DCC: variants seen among roughly 807,000 people sequenced by gnomAD.
The protein encoded by DCC is DCC netrin 1 receptor, also known as netrin receptor DCC.
DCC carries 58 observed loss-of-function variants against 172.5 expected under a neutral mutation model. The observed-to-expected ratio is 0.34, with a 90% CI of 0.27 to 0.42. DCC has a LOEUF of 0.42. DCC is among the 10% of genes least tolerant of loss of function. DCC has a pLI of 1.00. For missense variants in DCC, 1,740 were observed against 1,791.0 expected (o/e 0.97, Z 0.51); for synonymous variants, 709 against 644.5 (o/e 1.10, Z -1.52).
At chr18:53,336,796 A>G (rs917821548) in intron 14 of DCC, among the ~76,000 whole-genome samples, 1 of 152,202 alleles carries the variant, frequency 6.6e-6, no homozygotes, top group Non-Finnish European at 1.5e-5. Context: ...GGTTGGCTTG[A>G]GTCAGAGGGT....
intron 1 of DCC, among the ~76,000 whole-genome samples, chr18:52,387,002 C>T (rs1419135735): frequency 1.3e-5 from 2 of 151,998 alleles, no homozygotes; most frequent in African/African-American, 4.8e-5. Flanking sequence ...CAAAATGAAG[C>T]AGAAAGGGCA....
At chr18:52,736,712 CT>C (rs1186542814) in intron 1 of DCC, among the ~76,000 whole-genome samples, 4 of 152,052 alleles carry the variant, frequency 2.6e-5, no homozygotes, top group South Asian at 4.1e-4. Flanking sequence ...CAAACAGTGA[CT>C]TTTTTTATGT....
At chr18:52,761,164 A>G (rs1273277358) in intron 2 of DCC, among the ~76,000 whole-genome samples, 1 of 152,196 alleles carries the variant, frequency 6.6e-6, no homozygotes, top group Non-Finnish European at 1.5e-5. Flanking sequence ...GGAGCAAGTC[A>G]CATCTTACAT....
intron 1 of DCC, among the ~76,000 whole-genome samples, chr18:52,416,868 T>G (rs1311095755): frequency 6.6e-6 from 1 of 151,960 alleles, no homozygotes; most frequent in Non-Finnish European, 1.5e-5. Flanking sequence ...TTTAGTCCAT[T>G]TACATTTAAA....
chr18:52,656,343 T>G (rs2035254809), intron 1 of DCC, among the ~76,000 whole-genome samples: 1 of 151,920 alleles, frequency 6.6e-6, no homozygotes, highest in Non-Finnish European at 1.5e-5. Context: ...GACATCACAA[T>G]GAATACATGA....
In DCC at chr18:53,468,383, T is replaced by TATTTATTTATTTATTTA. The variant is rs2045652916; in HGVS notation, c.3736+389_3736+390insAATTTATTTATTTATTT. ...ATTTATTTTATTTATTTATTTATTT[T>TATTTATTTATTTATTTA]ATTTATTTATTTATTTTGAGACAGA... On this transcript the variant is annotated intron_variant, in intron 25 of 28. Coordinates refer to ENST00000442544, the MANE Select transcript of DCC (RefSeq NM_005215.4). 9.4e-5 allele frequency among the ~76,000 whole-genome samples: 14 copies of TATTTATTTATTTATTTA among 148,178 alleles called. No homozygotes were observed. The South Asian group carries it at 2.6e-3, about 27-fold the overall frequency.
At chr18:52,353,289 G>A (rs1202395162) in intron 1 of DCC, among the ~76,000 whole-genome samples, 1 of 151,814 alleles carries the variant, frequency 6.6e-6, no homozygotes, top group Non-Finnish European at 1.5e-5. Flanking sequence ...ACTCATATAA[G>A]AACGCATATT....
At chr18:52,802,830 C>A (rs180777600) in intron 2 of DCC, among the ~76,000 whole-genome samples, 71 of 151,366 alleles carry the variant, frequency 4.7e-4, no homozygotes, top group African/African-American at 1.5e-3. Context: ...CTACTGATAG[C>A]CTATTGTTGA....
chr18:52,626,611 T>A (rs1369232209), intron 1 of DCC, among the ~76,000 whole-genome samples: 1 of 152,200 alleles, frequency 6.6e-6, no homozygotes, highest in Admixed American at 6.5e-5. Context: ...CCCTATAGGA[T>A]CTGGCACTCA....
At chr18:53,335,829 C>T (rs779063287) in intron 14 of DCC, among the ~76,000 whole-genome samples, 6 of 152,064 alleles carry the variant, frequency 3.9e-5, no homozygotes, top group Non-Finnish European at 5.9e-5. Flanking sequence ...CTCACAATCA[C>T]GGCAGAAGGT....
chr18:52,411,838 T>C (rs1246521094), intron 1 of DCC, among the ~76,000 whole-genome samples: 2 of 152,158 alleles, frequency 1.3e-5, no homozygotes, highest in Non-Finnish European at 2.9e-5. Flanking sequence ...GCTTAAAATA[T>C]TGGGCTTACC....
chr18:53,091,803 C>A (rs1161955588), intron 7 of DCC, among the ~76,000 whole-genome samples: 4 of 149,746 alleles, frequency 2.7e-5, no homozygotes, highest in African/African-American at 9.8e-5. Context: ...ATTGCATACA[C>A]TGTACATATA....
At chr18:52,866,747 T>C (rs986490861) in intron 2 of DCC, among the ~76,000 whole-genome samples, 47 of 152,252 alleles carry the variant, frequency 3.1e-4, no homozygotes, top group African/African-American at 1.1e-3. Context: ...CCGGAGACTT[T>C]GCTGAAGTTG....
At chr18:52,939,897 T>C (rs2040434496) in intron 5 of DCC, among the ~76,000 whole-genome samples, 1 of 152,162 alleles carries the variant, frequency 6.6e-6, no homozygotes, top group African/African-American at 2.4e-5. Context: ...GATTCTTCTG[T>C]CAAACAAAAA....
chr18:52,934,645 A>G (rs561675885), intron 5 of DCC: 4 of 152,284 alleles, frequency 2.6e-5, no homozygotes, highest in South Asian at 2.1e-4. Flanking sequence ...TTCGAAATTC[A>G]TATGTTGAAA....
At chr18:52,903,880 ACTT>A (rs1453360260) in intron 2 of DCC, among the ~76,000 whole-genome samples, 1 of 152,178 alleles carries the variant, frequency 6.6e-6, no homozygotes, top group Non-Finnish European at 1.5e-5. Context: ...AGATTAACGT[ACTT>A]CTTTGGAATA....
At chr18:52,475,334 A>C (rs932605098) in intron 1 of DCC, among the ~76,000 whole-genome samples, 1 of 152,214 alleles carries the variant, frequency 6.6e-6, no homozygotes, top group Non-Finnish European at 1.5e-5. Context: ...ATGAACATGG[A>C]GCTCCAATAG....
At chr18:53,277,013 G>C (rs571545343) in intron 12 of DCC, among the ~76,000 whole-genome samples, 7 of 152,080 alleles carry the variant, frequency 4.6e-5, no homozygotes, top group Non-Finnish European at 7.4e-5. Context: ...AGAGAAAGAA[G>C]AGGCAATGAA....
At chr18:52,958,896 C>T (rs769103078) in intron 5 of DCC, among the ~76,000 whole-genome samples, 5 of 152,086 alleles carry the variant, frequency 3.3e-5, no homozygotes, top group South Asian at 2.1e-4. Flanking sequence ...ACCCACAGCC[C>T]GCGGGCCATA....
Sources: gnomAD v4.1 joint callset for allele counts (sites outside exome capture counted in the v4.1 genomes callset) on GRCh38, gnomAD v4.1.1 for gene constraint, MANE v1.5 for transcripts, NCBI Gene and HGNC (gene_info 2026-07-23, HGNC 2026-07-21) for gene names.